The following GPC6 variants were observed in gnomAD, a reference collection of about 807,000 sequenced individuals.
GPC6 encodes glypican 6.
GPC6 carries 14 observed loss-of-function variants against 55.2 expected under a neutral mutation model. The ratio of observed to expected loss-of-function variants is 0.25; its 90% CI spans 0.17 to 0.40. The LOEUF (loss-of-function observed/expected upper bound fraction) is 0.40. Ranked by LOEUF, GPC6 falls within the 10% of genes least tolerant of loss-of-function variation. The pLI is 1.00. For synonymous variants in GPC6, 278 were observed against 259.6 expected (o/e 1.07, Z -0.68); for missense variants, 641 against 708.5 (o/e 0.90, Z 1.08).
At chr13:93,789,053 G>T (rs1470707206) in intron 2 of GPC6, among the ~76,000 whole-genome samples, 2 of 152,024 alleles carry the variant, frequency 1.3e-5, no homozygotes, top group Non-Finnish European at 2.9e-5. Flanking sequence ...TGGATTGGAT[G>T]TGAGAGAAGG....
At chr13:93,675,197 G>A (rs904742910) in intron 2 of GPC6, among the ~76,000 whole-genome samples, 2 of 152,034 alleles carry the variant, frequency 1.3e-5, no homozygotes, top group Non-Finnish European at 2.9e-5. Flanking sequence ...TATTTCTAAT[G>A]TTTATGCAAC....
At chr13:94,108,208 T>G (rs1886123646) in intron 4 of GPC6, among the ~76,000 whole-genome samples, 1 of 151,952 alleles carries the variant, frequency 6.6e-6, no homozygotes, top group South Asian at 2.1e-4. Flanking sequence ...TACTCAGCCA[T>G]AAAAAAGGAA....
intron 2 of GPC6, among the ~76,000 whole-genome samples, chr13:93,741,267 A>G (rs1345155930): frequency 6.6e-6 from 1 of 150,696 alleles, no homozygotes; most frequent in Non-Finnish European, 1.5e-5. Flanking sequence ...GGCGCCCACC[A>G]CCACACCCGG....
the GPC6 span, among the ~76,000 whole-genome samples, chr13:93,218,433 C>T: frequency 1.3e-5 from 2 of 152,032 alleles, no homozygotes; most frequent in African/African-American, 4.8e-5. Flanking sequence ...TACCAGTAAA[C>T]AATAGAGATC....
chr13:93,269,891 C>CAA (rs529558741), intron 1 of GPC6, among the ~76,000 whole-genome samples: 895 of 52,236 alleles, frequency 0.017, 24 homozygotes, highest in African/African-American at 0.062. Flanking sequence ...GACTCCATCT[C>CAA]AAAAAAAAAA....
At chr13:94,064,825 A>T (rs1459903686) in intron 4 of GPC6, among the ~76,000 whole-genome samples, 2 of 152,160 alleles carry the variant, frequency 1.3e-5, no homozygotes, top group Non-Finnish European at 2.9e-5. Flanking sequence ...CTTAAAATAG[A>T]CATTGTCATA....
At chr13:93,248,624 A>T (rs1024357844) in intron 1 of GPC6, among the ~76,000 whole-genome samples, 1 of 152,178 alleles carries the variant, frequency 6.6e-6, no homozygotes, top group Non-Finnish European at 1.5e-5. Flanking sequence ...CTAAGCCATA[A>T]GCCTGAAGGT....
At chr13:93,504,921 T>C (rs1333633867) in intron 1 of GPC6, among the ~76,000 whole-genome samples, 1 of 152,156 alleles carries the variant, frequency 6.6e-6, no homozygotes. Context: ...GTCAAAGTTA[T>C]GTCTAACCCT....
At chr13:93,264,297 G>T (rs1488545172) in intron 1 of GPC6, among the ~76,000 whole-genome samples, 1 of 152,154 alleles carries the variant, frequency 6.6e-6, no homozygotes, top group African/African-American at 2.4e-5. Context: ...ATAGGGAATT[G>T]GTCCCAGGAC....
At chr13:93,873,282 C>A (rs139681434) in intron 3 of GPC6, among the ~76,000 whole-genome samples, 1 of 152,004 alleles carries the variant, frequency 6.6e-6, no homozygotes, top group African/African-American at 2.4e-5. Context: ...ACAGTTAATG[C>A]ACTACATTTT....
At chr13:93,989,239 G>A (rs968917555) in intron 3 of GPC6, among the ~76,000 whole-genome samples, 5 of 152,072 alleles carry the variant, frequency 3.3e-5, no homozygotes, top group Non-Finnish European at 5.9e-5. Context: ...CACCTCATAG[G>A]TTGTACATGT....
chr13:94,351,086 ATAAAGTCTCAGCTATACTAAACTTCCT>A (rs781406332), intron 6 of GPC6, among the ~76,000 whole-genome samples: 1 of 151,434 alleles, frequency 6.6e-6, no homozygotes, highest in Non-Finnish European at 1.5e-5. Context: ...ACCTGGGGGA[ATAAAGTCTCAGCTATACTAAACTTCCT>A]GAGCCTTGAA....
intron 1 of GPC6, among the ~76,000 whole-genome samples, chr13:93,387,133 CT>C (rs11406368): frequency 2.1e-5 from 3 of 145,868 alleles, no homozygotes; most frequent in Admixed American, 6.8e-5. Flanking sequence ...TGGTTTCTTT[CT>C]TTTTTTTTTT....
chr13:93,866,937 C>CA (rs1888983625), intron 3 of GPC6, among the ~76,000 whole-genome samples: 1 of 151,606 alleles, frequency 6.6e-6, no homozygotes, highest in Admixed American at 6.6e-5. Context: ...TAATTTTTAG[C>CA]AAAAATTAAA....
chr13:94,262,586 T>C (rs1490678953), intron 4 of GPC6, among the ~76,000 whole-genome samples: 1 of 149,210 alleles, frequency 6.7e-6, no homozygotes, highest in Non-Finnish European at 1.5e-5. Context: ...GGCAGGAGAA[T>C]CACTTGTACC....
chr13:94,133,267 C>CAAAAAAAAAAA (rs66499161), intron 4 of GPC6, among the ~76,000 whole-genome samples: 1 of 85,090 alleles, frequency 1.2e-5, no homozygotes, highest in African/African-American at 5.0e-5. Flanking sequence ...TGACCAGTGA[C>CAAAAAAAAAAA]AAAAAAAAAA....
chr13:94,110,157 G>A (rs1449930932), intron 4 of GPC6, among the ~76,000 whole-genome samples: 1 of 151,560 alleles, frequency 6.6e-6, no homozygotes, highest in Non-Finnish European at 1.5e-5. Context: ...ATGACTTCTT[G>A]TCTGTGATTC....
intron 3 of GPC6, among the ~76,000 whole-genome samples, chr13:93,974,120 C>T (rs754714182): frequency 6.6e-6 from 1 of 152,162 alleles, no homozygotes; most frequent in Non-Finnish European, 1.5e-5. Flanking sequence ...GTGTAACTTT[C>T]CCCAGTGCCT....
intron 2 of GPC6, among the ~76,000 whole-genome samples, chr13:93,637,831 A>G (rs1879760807): frequency 6.6e-6 from 1 of 152,114 alleles, no homozygotes; most frequent in African/African-American, 2.4e-5. Context: ...TGATGGAAGG[A>G]CAGACAGTTT....
Sources: gnomAD v4.1 joint callset for allele counts (sites outside exome capture counted in the v4.1 genomes callset) on GRCh38, gnomAD v4.1.1 for gene constraint, MANE v1.5 for transcripts, NCBI Gene and HGNC (gene_info 2026-07-23, HGNC 2026-07-21) for gene names.